Variants in NECTIN1 observed in about 807,000 individuals in gnomAD.
NECTIN1 encodes the protein nectin cell adhesion molecule 1, also known as nectin-1.
NECTIN1 carries 23 observed loss-of-function variants against 48.0 expected under a neutral mutation model. The ratio of observed to expected loss-of-function variants is 0.48; its 90% CI spans 0.34 to 0.68. The LOEUF is 0.68. Among genes scored for constraint, NECTIN1 ranks in the 30% least tolerant of loss-of-function variants. The probability of loss-of-function intolerance (pLI) is 0.01; values close to 1 mark genes in which losing one functional copy is unlikely to be tolerated. For missense variants in NECTIN1, 591 were observed against 709.9 expected (o/e 0.83, Z 1.90); for synonymous variants, 270 against 288.9 (o/e 0.93, Z 0.66).
In NECTIN1 at chr11:119,665,412, C is replaced by T. The variant is rs1864749378; in HGVS notation, c.1004-115G>A. 1.4e-6 allele frequency: 2 copies of T among 1,445,890 alleles called. No individual in the cohort carries two copies. The highest frequency in any genetic ancestry group is 1.8e-6 in the Non-Finnish European group (2 of 1,102,766). 89.6% of individuals were successfully genotyped at this position (1,445,890 alleles called of 1,614,324 possible). ...CAGGAAGGACAGGCTGTCTGCACCC[C>T]AGGTTTGAGCAGCTCCAGTTCGAGG... On this transcript the variant is annotated intron_variant, in intron 5 of 5. Coordinates refer to ENST00000264025, the MANE Select transcript of NECTIN1 (RefSeq NM_002855.5). The surrounding 1 kb of genome is among the most constrained non-coding windows in gnomAD (Gnocchi z 5.1).
Position 119,650,922 on chromosome 11 carries a change from T to C in NECTIN1, c.1004-10910A>G, listed in dbSNP as rs375796082. On this transcript the variant is annotated intron_variant, in intron 5 of 7. Coordinates refer to the NECTIN1 transcript ENST00000341398. Reference sequence around the variant, plus strand: ...CACTTTGTAATTTCCAAACATCATATAAATGTAAAGAATTCTTACTGTTGT... The same window carrying C: ...CACTTTGTAATTTCCAAACATCATACAAATGTAAAGAATTCTTACTGTTGT... Among the ~76,000 whole-genome samples, 21 of 152,168 alleles carry C rather than the reference T, an allele frequency of 1.4e-4. 1 individual carries two copies. The East Asian group carries it at 2.9e-3, about 21-fold the overall frequency.
At position 119,721,908 on chromosome 11, in the gene NECTIN1, C is replaced by T. The variant is rs566979473; in HGVS notation, c.79+6567G>A. On this transcript the variant is annotated intron_variant, in intron 1 of 5. Transcript: ENST00000264025. ...CAGCTCTGGCTGGGCCACCCTCCAA[C>T]CTATATCCTCAACTTATTACTCACT... is the stretch of plus-strand genomic sequence containing the variant. Among the ~76,000 whole-genome samples, 7 of 152,370 alleles carry T rather than the reference C, an allele frequency of 4.6e-5. No individual in the cohort carries two copies. The East Asian group carries it at 1.4e-3, about 29-fold the overall frequency.
exon 8 of NECTIN1, chr11:119,638,145 A>G: frequency 6.2e-7 from 1 of 1,613,814 alleles, no homozygotes; most frequent in Non-Finnish European, 8.5e-7. Flanking sequence ...GAGGGGTGGT[A>G]GGAGGGGGAG....
intron 1 of NECTIN1, chr11:119,713,683 C>T (rs1383195324): frequency 2.8e-6 from 1 of 360,712 alleles, no homozygotes; most frequent in Non-Finnish European, 5.5e-6. Flanking sequence ...GTGATTGAAA[C>T]TTATTTGGGG....
At chr11:119,720,309 C>T (rs959583384) in intron 1 of NECTIN1, among the ~76,000 whole-genome samples, 3 of 152,264 alleles carry the variant, frequency 2.0e-5, no homozygotes, top group Non-Finnish European at 2.9e-5. Flanking sequence ...GTCACAGCAG[C>T]TGCCTCCCCA....
In NECTIN1 at chr11:119,717,167, C is replaced by T. The variant is rs150858676; in HGVS notation, c.79+11308G>A. On this transcript the variant is annotated intron_variant, in intron 1 of 5. Transcript: ENST00000264025. ...GGCGCCGAGGACTGATGCTCTCTCC[C>T]TCTTCCATCATCACCGCCCCTTCAG... Among the ~76,000 whole-genome samples the T allele has an allele frequency of 8.9e-3, 1,353 of 152,350 alleles. 62 individuals carry two copies. The highest frequency in any genetic ancestry group is 0.07 in the Admixed American group (1,079 of 15,312).
intron 1 of NECTIN1, among the ~76,000 whole-genome samples, chr11:119,721,612 G>C (rs1188845717): frequency 6.6e-6 from 1 of 152,218 alleles, no homozygotes; most frequent in Non-Finnish European, 1.5e-5. Flanking sequence ...GTGCTGACCA[G>C]AGTGGGTGGG....
At chr11:119,710,782 T>A (rs1255515170) in intron 1 of NECTIN1, among the ~76,000 whole-genome samples, 2 of 152,040 alleles carry the variant, frequency 1.3e-5, no homozygotes, top group Non-Finnish European at 2.9e-5. Flanking sequence ...GAAGACCCCA[T>A]ACAAGTCCTG....
Position 119,728,529 on chromosome 11 carries a change from C to T in NECTIN1, c.25G>A (p.Ala9Thr). The T allele has an allele frequency of 1.3e-6, 2 of 1,594,414 alleles. No individual in the cohort carries two copies. The highest frequency in any genetic ancestry group is 1.7e-6 in the Non-Finnish European group (2 of 1,171,222). MARMGLAG[A>T]AGRWWGLALG... The stretch of plus-strand genomic sequence containing the variant: ...GCGAGTCCCCACCAGCGTCCAGCGG[C>T]GCCCGCAAGCCCCATCCGAGCCATC... The change falls in exon 1 of 6, where the codon GCC (alanine) becomes ACC (threonine). Residue 9 changes from alanine to threonine, a missense_variant. Ala to Thr is a moderately conservative substitution (Grantham distance 58, BLOSUM62 0). Coordinates refer to ENST00000264025, the MANE Select transcript of NECTIN1 (RefSeq NM_002855.5).
At chr11:119,726,404 C>T (rs902676000) in intron 1 of NECTIN1, among the ~76,000 whole-genome samples, 1 of 152,212 alleles carries the variant, frequency 6.6e-6, no homozygotes, top group Non-Finnish European at 1.5e-5. Flanking sequence ...AGCCACTGGG[C>T]AGAGGAGCTG....
chr11:119,713,974 G>A (rs1285898747), intron 1 of NECTIN1: 1 of 421,092 alleles, frequency 2.4e-6, no homozygotes, highest in Admixed American at 2.5e-5. Flanking sequence ...GGGGGCAAGG[G>A]ATGCTGCAGA....
rs1054626348 is a variant in NECTIN1 at position 119,684,838 on chromosome 11, C to T, written c.80-6073G>A. ...TTGCCAATCAGTGTCACCTAGACTC[C>T]GATCATTCTGTCAGCAAAACCCAGA... is the stretch of plus-strand genomic sequence containing the variant. On this transcript the variant is annotated intron_variant, in intron 1 of 5. Coordinates refer to ENST00000264025, the MANE Select transcript of NECTIN1 (RefSeq NM_002855.5). The surrounding 1 kb of genome is among the most constrained non-coding windows in gnomAD (Gnocchi z 5.2). Among the ~76,000 whole-genome samples, 5 of 151,984 alleles carry T rather than the reference C, an allele frequency of 3.3e-5. No homozygotes were observed. Among genetic ancestry groups the T allele is most frequent in the African/African-American group, 9.7e-5 (4 of 41,354 alleles).
At chr11:119,648,875 CT>C (rs1053537474) in intron 5 of NECTIN1, among the ~76,000 whole-genome samples, 1 of 152,162 alleles carries the variant, frequency 6.6e-6, no homozygotes, top group Non-Finnish European at 1.5e-5. Context: ...CTCCTCTCAT[CT>C]AGGCTGGCAG....
intron 1 of NECTIN1, among the ~76,000 whole-genome samples, chr11:119,712,246 C>G (rs1441143478): frequency 6.6e-6 from 1 of 152,154 alleles, no homozygotes; most frequent in East Asian, 1.9e-4. Flanking sequence ...GTGGCTGGGT[C>G]TCCCTTGGCT....
intron 1 of NECTIN1, chr11:119,710,009 C>G (rs895005708): frequency 6.6e-6 from 1 of 152,198 alleles, no homozygotes; most frequent in Non-Finnish European, 1.5e-5. Context: ...CCTGGGTCAC[C>G]GTTCTTGGAG....
At chr11:119,700,108 G>T (rs1003217504) in intron 1 of NECTIN1, among the ~76,000 whole-genome samples, 7 of 152,178 alleles carry the variant, frequency 4.6e-5, no homozygotes, top group African/African-American at 1.7e-4. Context: ...TATGTCTCCT[G>T]CTGGGGTGAG....
At chr11:119,711,060 CAAA>C (rs71470986) in intron 1 of NECTIN1, among the ~76,000 whole-genome samples, 17 of 129,392 alleles carry the variant, frequency 1.3e-4, no homozygotes, top group Admixed American at 3.7e-4. Context: ...ATAGGGTTGC[CAAA>C]AAAAAAAAAA....
rs115594822 is a variant in NECTIN1 at position 119,661,863 on chromosome 11, C to A, written c.*2884G>T. On this transcript the variant is annotated 3_prime_UTR_variant, in exon 6 of 6. Transcript: ENST00000264025. ...GTGTACATGCGTGTACACATGCCTG[C>A]GCGTGGGTGTGTTGGAGGTGTGAGT... 1.0e-6 allele frequency: 1 copy of A among 985,088 alleles called. No individual in the cohort carries two copies. Among genetic ancestry groups the A allele is most frequent in the East Asian group, 1.1e-4 (1 of 8,784 alleles). The allele number at this position is 985,088 out of a possible 1,614,324, so 61.0% of individuals were successfully genotyped here. A position where few individuals can be genotyped will look rare whatever the true frequency, so the allele number is the denominator to read the frequency against.
At chr11:119,705,437 A>G (rs1287215645) in intron 1 of NECTIN1, among the ~76,000 whole-genome samples, 21 of 152,248 alleles carry the variant, frequency 1.4e-4, no homozygotes. Flanking sequence ...CCCAGAGAAG[A>G]TCTCACTGAG....
Sources: gnomAD v4.1 joint callset for allele counts (sites outside exome capture counted in the v4.1 genomes callset) on GRCh38, gnomAD v4.1.1 for gene constraint, Gnocchi (gnomAD v3.1) non-coding constraint, MANE v1.5 for transcripts, NCBI Gene and HGNC (gene_info 2026-07-23, HGNC 2026-07-21) for gene names.